RAB9B: variants seen among roughly 807,000 people sequenced by gnomAD.
RAB9B encodes ras-related protein Rab-9B.
Under a neutral mutation model 8.9 loss-of-function variants are expected in RAB9B, and 1 was observed. The observed-to-expected ratio is 0.11, with a 90% CI of 0.04 to 0.53. RAB9B has a LOEUF of 0.53. Ranked by LOEUF, RAB9B falls within the 20% of genes least tolerant of loss-of-function variation. The probability of loss-of-function intolerance (pLI) is 0.93; values close to 1 mark genes in which losing one functional copy is unlikely to be tolerated. For synonymous variants in RAB9B, 63 were observed against 57.0 expected (o/e 1.10, Z -0.47); for missense variants, 82 against 152.9 (o/e 0.54, Z 2.45).
At chrX:103,827,827 C>A (rs184431466) in intron 1 of RAB9B, among the ~76,000 whole-genome samples, 47 of 110,242 alleles carry the variant, frequency 4.3e-4, no homozygotes, top group African/African-American at 1.4e-3. Flanking sequence ...CCACCATGCC[C>A]GGCTAAGTTT....
the RAB9B span, among the ~76,000 whole-genome samples, chrX:103,789,708 T>C: frequency 8.9e-6 from 1 of 111,994 alleles, no homozygotes; most frequent in Non-Finnish European, 1.9e-5. Flanking sequence ...TAAATTACGG[T>C]TAATTCTCAA....
At chrX:103,816,677 A>G in the RAB9B span, among the ~76,000 whole-genome samples, 2 of 112,301 alleles carry the variant, frequency 1.8e-5, no homozygotes. Context: ...TTTGCAATCT[A>G]TCCATCTGAC....
chrX:103,780,433 C>CTGTG, the RAB9B span, among the ~76,000 whole-genome samples: 21 of 26,595 alleles, frequency 7.9e-4, no homozygotes, highest in African/African-American at 2.5e-3. Context: ...TTCATTCTGT[C>CTGTG]TCTCTCTGTG....
Position 103,823,199 on chromosome X carries a change from C to T in RAB9B, c.*1980G>A. 9.0e-6 allele frequency: 1 copy of T among 111,317 alleles called. No homozygotes were observed. Among genetic ancestry groups the T allele is most frequent in the African/African-American group, 3.3e-5 (1 of 30,617 alleles). 9.2% of individuals were successfully genotyped at this position (111,317 alleles called of 1,213,427 possible). A position where few individuals can be genotyped will look rare whatever the true frequency, so the allele number is the denominator to read the frequency against. ...AACAGTTCTGACGTACAGATTTTCA[C>T]CCTAACATGATTGTAGCAAAATGAT... is the stretch of plus-strand genomic sequence containing the variant. On this transcript the variant is annotated 3_prime_UTR_variant, in exon 3 of 3. Transcript: ENST00000243298.
the RAB9B span, chrX:103,792,494 T>C: frequency 1.8e-5 from 2 of 112,551 alleles, no homozygotes; most frequent in Admixed American, 1.9e-4. Context: ...ACTGAAAGTG[T>C]TTCCTTCATT....
the RAB9B span, chrX:103,776,648 G>A: frequency 4.8e-5 from 12 of 248,368 alleles, no homozygotes; most frequent in Non-Finnish European, 7.8e-5. Context: ...GAAATTCCAG[G>A]CAAGCCTTAG....
the RAB9B span, among the ~76,000 whole-genome samples, chrX:103,787,331 CA>C: frequency 9.0e-6 from 1 of 111,301 alleles, no homozygotes; most frequent in Non-Finnish European, 1.9e-5. Flanking sequence ...TGGGTTCCAG[CA>C]ATGTCTTTTT....
At chrX:103,795,768 C>T in the RAB9B span, among the ~76,000 whole-genome samples, 30,466 of 111,196 alleles carry the variant, frequency 0.27, 3,170 homozygotes, top group Admixed American at 0.35. Context: ...AACAGAAACA[C>T]ACAAATTATC....
At chrX:103,811,101 T>A in the RAB9B span, among the ~76,000 whole-genome samples, 1 of 111,694 alleles carries the variant, frequency 9.0e-6, no homozygotes. Flanking sequence ...CATGTGCCAT[T>A]TTTGCAAGAT....
At chrX:103,792,801 G>A in the RAB9B span, among the ~76,000 whole-genome samples, 1 of 112,108 alleles carries the variant, frequency 8.9e-6, no homozygotes, top group African/African-American at 3.2e-5. Context: ...CTAAGAAATA[G>A]AAGCAAAGTA....
the RAB9B span, among the ~76,000 whole-genome samples, chrX:103,815,313 T>C: frequency 1.8e-5 from 2 of 112,242 alleles, no homozygotes; most frequent in Non-Finnish European, 3.8e-5. Context: ...AGGTAATCCA[T>C]CACATAAACA....
intron 1 of RAB9B, among the ~76,000 whole-genome samples, chrX:103,830,518 T>C (rs1569436267): frequency 8.9e-6 from 1 of 111,970 alleles, no homozygotes; most frequent in East Asian, 2.8e-4. Flanking sequence ...AAGATCTGAC[T>C]CTAACTGAGT....
chrX:103,813,957 A>G, the RAB9B span, among the ~76,000 whole-genome samples: 2 of 110,134 alleles, frequency 1.8e-5, no homozygotes, highest in South Asian at 3.9e-4. Flanking sequence ...GTGACCTACA[A>G]AGATATTTAG....
At chrX:103,814,294 C>T in the RAB9B span, among the ~76,000 whole-genome samples, 9 of 111,782 alleles carry the variant, frequency 8.1e-5, no homozygotes, top group East Asian at 2.8e-4. Flanking sequence ...CACTCAAAAC[C>T]GCACAACTAC....
At chrX:103,794,998 TA>T in the RAB9B span, among the ~76,000 whole-genome samples, 1 of 112,343 alleles carries the variant, frequency 8.9e-6, no homozygotes, top group South Asian at 3.7e-4. Context: ...AATCCAGTCT[TA>T]ACATTTTACT....
chrX:103,821,763 G>A (rs887521359), downstream of RAB9B, among the ~76,000 whole-genome samples: 3 of 111,361 alleles, frequency 2.7e-5, no homozygotes, highest in East Asian at 5.6e-4. Context: ...TTTATGCAAC[G>A]TTGTTTATTA....
chrX:103,781,538 C>T, the RAB9B span, among the ~76,000 whole-genome samples: 14,619 of 111,764 alleles, frequency 0.13, 740 homozygotes, highest in Middle Eastern at 0.28. Context: ...GATTTTGATT[C>T]ACAGACATAT....
the RAB9B span, among the ~76,000 whole-genome samples, chrX:103,794,044 A>C: frequency 8.9e-6 from 1 of 111,873 alleles, no homozygotes; most frequent in Non-Finnish European, 1.9e-5. Context: ...GTTAAACCCC[A>C]GGAAGTTCAA....
the RAB9B span, chrX:103,788,001 C>T: frequency 1.9e-5 from 21 of 1,104,015 alleles, no homozygotes; most frequent in East Asian, 6.3e-4. Context: ...GCTCTCCTAC[C>T]CACTATGGAA....
Sources: gnomAD v4.1 joint callset for allele counts (sites outside exome capture counted in the v4.1 genomes callset) on GRCh38, gnomAD v4.1.1 for gene constraint, MANE v1.5 for transcripts, NCBI Gene and HGNC (gene_info 2026-07-23, HGNC 2026-07-21) for gene names.